Variants in THRAP3 observed in about 807,000 individuals in gnomAD.
THRAP3 encodes thyroid hormone receptor-associated protein 3.
Under a neutral mutation model 101.0 loss-of-function variants are expected in THRAP3, and 16 were observed. The ratio of observed to expected loss-of-function variants is 0.16; its 90% confidence interval spans 0.11 to 0.24. The LOEUF (loss-of-function observed/expected upper bound fraction) is 0.24, where lower values mean the gene tolerates loss of function less well. Among genes scored for constraint, THRAP3 ranks in the 10% least tolerant of loss-of-function variants. The pLI is 1.00. For synonymous variants in THRAP3, 407 were observed against 422.6 expected (o/e 0.96, Z 0.45); for missense variants, 989 against 1,202.7 (o/e 0.82, Z 2.63).
intron 1 of THRAP3, among the ~76,000 whole-genome samples, chr1:36,236,740 C>G (rs180840401): frequency 1.4e-4 from 21 of 152,346 alleles, no homozygotes; most frequent in African/African-American, 5.1e-4. Flanking sequence ...ACTAATTAAA[C>G]TCTACCTCTC....
chr1:36,237,551 A>C (rs1645105634), intron 1 of THRAP3, among the ~76,000 whole-genome samples: 1 of 151,546 alleles, frequency 6.6e-6, no homozygotes, highest in Admixed American at 6.6e-5. Context: ...CAGGCAGATC[A>C]CTTGAGGTCA....
chr1:36,232,945 G>A (rs576113981), intron 1 of THRAP3, among the ~76,000 whole-genome samples: 13 of 28,504 alleles, frequency 4.6e-4, no homozygotes, highest in African/African-American at 5.3e-4. Context: ...CGCGGTCTCG[G>A]CTCACTGCAA....
At chr1:36,293,562 G>A (rs78069135) in intron 7 of THRAP3, among the ~76,000 whole-genome samples, 2 of 151,990 alleles carry the variant, frequency 1.3e-5, no homozygotes, top group East Asian at 1.9e-4. Context: ...GGCTATGGGT[G>A]AGTCCATCTT....
intron 2 of THRAP3, among the ~76,000 whole-genome samples, chr1:36,268,828 C>T (rs556739479): frequency 6.6e-5 from 10 of 152,046 alleles, no homozygotes; most frequent in Non-Finnish European, 8.8e-5. Flanking sequence ...CAGGTTCAAG[C>T]GATTCTCCTG....
intron 1 of THRAP3, among the ~76,000 whole-genome samples, chr1:36,243,151 CTTTTTTTTTTTTTTT>C (rs58340320): frequency 4.9e-5 from 3 of 60,882 alleles, no homozygotes; most frequent in South Asian, 6.1e-4. Flanking sequence ...GAGGAACTTT[CTTTTTTTTTTTTTTT>C]TTTTTTTGCT....
the THRAP3 span, among the ~76,000 whole-genome samples, chr1:36,207,695 T>C: frequency 6.6e-6 from 1 of 152,138 alleles, no homozygotes; most frequent in South Asian, 2.1e-4. Context: ...ACCAGGCTAG[T>C]AGCAACAACC....
intron 1 of THRAP3, among the ~76,000 whole-genome samples, chr1:36,233,624 G>A (rs750301976): frequency 1.3e-5 from 2 of 151,962 alleles, no homozygotes; most frequent in African/African-American, 2.4e-5. Flanking sequence ...AAAATTAGCC[G>A]GTGTGGTGGC....
intron 10 of THRAP3, 126 bp downstream of exon 10, chr1:36,301,210 T>G (rs1300977961): frequency 3.0e-6 from 3 of 992,082 alleles, no homozygotes; most frequent in Non-Finnish European, 4.4e-6. Flanking sequence ...CCTGGAATCT[T>G]TGGTTCTCCT....
chr1:36,295,425 C>A (rs1645932816), intron 8 of THRAP3, among the ~76,000 whole-genome samples: 1 of 152,144 alleles, frequency 6.6e-6, no homozygotes, highest in Admixed American at 6.5e-5. Flanking sequence ...CACCTTTGCC[C>A]CACCGAGTTT....
chr1:36,218,414 C>CAAAAA, the THRAP3 span, among the ~76,000 whole-genome samples: 1 of 40,118 alleles, frequency 2.5e-5, no homozygotes, highest in Non-Finnish European at 5.0e-5. Flanking sequence ...GACTCTGTCT[C>CAAAAA]AAAAAAAAAA....
At chr1:36,284,314 A>G (rs1570324361) in intron 3 of THRAP3, among the ~76,000 whole-genome samples, 1 of 152,364 alleles carries the variant, frequency 6.6e-6, no homozygotes. Context: ...GGGTAGGTCT[A>G]GAGACACTTT....
chr1:36,294,340 T>C (rs1645918459), intron 8 of THRAP3: 2 of 569,292 alleles, frequency 3.5e-6, no homozygotes, highest in South Asian at 7.7e-5. Flanking sequence ...ATGTCTTAAC[T>C]TAAGTAGACT....
intron 3 of THRAP3, among the ~76,000 whole-genome samples, chr1:36,285,353 A>G (rs1180766859): frequency 6.6e-6 from 1 of 152,240 alleles, no homozygotes; most frequent in African/African-American, 2.4e-5. Context: ...TAGATAGGAA[A>G]AGTGGATCCA....
intron 1 of THRAP3, among the ~76,000 whole-genome samples, chr1:36,228,299 C>T (rs1415160429): frequency 6.6e-6 from 1 of 152,064 alleles, no homozygotes; most frequent in Non-Finnish European, 1.5e-5. Context: ...CTCACTGCTA[C>T]CTCTGCCTCC....
At chr1:36,280,208 T>C (rs754132362) in intron 2 of THRAP3, among the ~76,000 whole-genome samples, 10 of 152,212 alleles carry the variant, frequency 6.6e-5, no homozygotes, top group Non-Finnish European at 1.0e-4. Flanking sequence ...TGCCTCAAAA[T>C]TCTTATCTGT....
At chr1:36,287,704 A>G (rs919059979) in intron 4 of THRAP3, 24 of 985,422 alleles carry the variant, frequency 2.4e-5, no homozygotes, top group South Asian at 4.7e-5. Context: ...TGCACCCTCA[A>G]TACCCTCCAG....
chr1:36,284,071 T>C (rs1316477214), intron 3 of THRAP3, among the ~76,000 whole-genome samples: 1 of 152,234 alleles, frequency 6.6e-6, no homozygotes, highest in East Asian at 1.9e-4. Context: ...AAGATACCTT[T>C]TTAAAATTTA....
rs1284292324 is a variant in THRAP3 at position 36,286,660 on chromosome 1, A to C, written c.430A>C (p.Arg144=). The stretch of plus-strand genomic sequence containing the variant: ...TTCACCAAGGTCCAGGAGCCATTCT[A>C]GAAACTCTGATAAGTCGTCTTCTGA... ...SPSPRSRSHS[R]NSDKSSSDRS... is the part of the protein sequence containing the mutation. Residue 144 remains arginine, a synonymous_variant, in exon 4 of 12, where the codon AGA becomes CGA. Coordinates refer to ENST00000354618, the MANE Select transcript of THRAP3 (RefSeq NM_005119.4). The surrounding 1 kb of genome is among the most constrained non-coding windows in gnomAD (Gnocchi z 5.5). 1.2e-6 allele frequency: 2 copies of C among 1,614,186 alleles called. No homozygotes were observed. The highest frequency in any genetic ancestry group is 2.2e-5 in the South Asian group (2 of 91,076).
chr1:36,269,207 G>A (rs939374276), intron 2 of THRAP3, among the ~76,000 whole-genome samples: 6 of 152,160 alleles, frequency 3.9e-5, no homozygotes, highest in East Asian at 1.9e-4. Flanking sequence ...TGTTGGTGGT[G>A]ATGGTGAAAT....
Sources: allele counts gnomAD v4.1 joint callset (sites outside exome capture counted in the v4.1 genomes callset), GRCh38; gene constraint gnomAD v4.1.1; non-coding constraint Gnocchi (gnomAD v3.1); transcripts MANE v1.5; gene names NCBI Gene and HGNC (gene_info 2026-07-23, HGNC 2026-07-21).